The following OCLN variants were observed in gnomAD, a reference collection of about 807,000 sequenced individuals.
OCLN encodes the protein phosphatase 1, regulatory subunit 115.
In OCLN, 21 loss-of-function variants were observed where a neutral mutation model predicts 47.9. That is an observed-to-expected ratio of 0.44 (90% CI 0.31 to 0.63). The LOEUF is 0.63. Ranked by LOEUF, OCLN falls within the 30% of genes least tolerant of loss-of-function variation. The pLI is 0.08. For synonymous variants in OCLN, 117 were observed against 198.4 expected, an observed-to-expected ratio of 0.59 and a Z score of 3.45; for missense variants, 360 against 571.0, an observed-to-expected ratio of 0.63 and a Z score of 3.77.
chr5:69,504,411 A>T lies in OCLN; in HGVS notation c.50+117A>T, dbSNP rs562279332. ...AAATAAAACGATATGTGTACTTGTA[A>T]ATTTAAATTGTATCAAAGGGTCTGC... is the stretch of plus-strand genomic sequence containing the variant. On this transcript the variant is annotated intron_variant, in intron 2 of 8. Coordinates refer to ENST00000396442, the MANE Select transcript of OCLN (RefSeq NM_001205254.2). The T allele has an allele frequency of 2.5e-4, 180 of 730,574 alleles. No homozygotes were observed. In the African/African-American group the frequency reaches 3.0e-3, roughly 12 times the overall value. 45.3% of individuals were successfully genotyped at this position (730,574 alleles called of 1,614,324 possible). A position where few individuals can be genotyped will look rare whatever the true frequency, so the allele number is the denominator to read the frequency against.
intron 7 of OCLN, among the ~76,000 whole-genome samples, chr5:69,548,461 C>T (rs1193111897): frequency 2.7e-5 from 4 of 149,988 alleles, no homozygotes; most frequent in Non-Finnish European, 5.9e-5. Flanking sequence ...TTACAGGTGC[C>T]TGCCACCACG....
At position 69,547,510 on chromosome 5, in the gene OCLN, G is replaced by A. The variant is rs1769741152; in HGVS notation, c.1254-420G>A. ...CGCTTGAACCCGGGAGGTGGAGGTT[G>A]CAGTGAGCCGAGATTGTGCCACTGC... On this transcript the variant is annotated intron_variant, in intron 6 of 8. Transcript: ENST00000396442. Among the ~76,000 whole-genome samples, 5 of 126,726 alleles carry A rather than the reference G, an allele frequency of 3.9e-5. No individual in the cohort carries two copies. In the Admixed American group the frequency reaches 4.0e-4, roughly 10 times the overall value. The allele number at this position is 126,726 out of a possible 152,430, so 83.1% of individuals were successfully genotyped here. A position where few individuals can be genotyped will look rare whatever the true frequency, so the allele number is the denominator to read the frequency against.
chr5:69,499,875 G>C (rs1039906802), intron 1 of OCLN, among the ~76,000 whole-genome samples: 1 of 152,162 alleles, frequency 6.6e-6, no homozygotes, highest in African/African-American at 2.4e-5. Flanking sequence ...GTGAACCACT[G>C]CGCCCAGCTC....
At chr5:69,536,909 AG>A (rs1033246974) in intron 5 of OCLN, among the ~76,000 whole-genome samples, 6 of 151,124 alleles carry the variant, frequency 4.0e-5, no homozygotes, top group African/African-American at 1.5e-4. Flanking sequence ...TGGAGCTCCC[AG>A]TGAGCCGAGA....
intron 4 of OCLN, among the ~76,000 whole-genome samples, chr5:69,526,212 A>G (rs1004534411): frequency 1.3e-5 from 2 of 152,172 alleles, no homozygotes; most frequent in Non-Finnish European, 2.9e-5. Flanking sequence ...GGTCGGTAAT[A>G]TTAATGTAGC....
chr5:69,516,235 C>T (rs527693824), intron 4 of OCLN, among the ~76,000 whole-genome samples: 3 of 152,254 alleles, frequency 2.0e-5, no homozygotes, highest in South Asian at 2.1e-4. Context: ...CAGACTCCGT[C>T]TGCAATCCCG....
chr5:69,513,384 A>G (rs1192981453), intron 3 of OCLN, among the ~76,000 whole-genome samples: 4 of 152,220 alleles, frequency 2.6e-5, no homozygotes, highest in Non-Finnish European at 1.5e-5. Flanking sequence ...TCAATTTGCT[A>G]TTTATAGCTT....
At chr5:69,510,717 A>G (rs957207727) in intron 3 of OCLN, among the ~76,000 whole-genome samples, 3 of 152,166 alleles carry the variant, frequency 2.0e-5, no homozygotes, top group Non-Finnish European at 2.9e-5. Flanking sequence ...ACATTCTTGT[A>G]TACGTTTTTG....
chr5:69,515,168 T>A (rs1194256739), intron 4 of OCLN, among the ~76,000 whole-genome samples: 1 of 127,984 alleles, frequency 7.8e-6, no homozygotes, highest in African/African-American at 3.1e-5. Context: ...CCCCCCCACC[T>A]CCCTCCCGGA....
chr5:69,515,331 C>A (rs1317353274), intron 4 of OCLN, among the ~76,000 whole-genome samples: 10 of 138,080 alleles, frequency 7.2e-5, no homozygotes, highest in African/African-American at 2.1e-4. Context: ...GGCAGAGGGG[C>A]TCCTCACTTC....
intron 4 of OCLN, among the ~76,000 whole-genome samples, chr5:69,524,301 A>T (rs752228028): frequency 6.6e-6 from 1 of 152,214 alleles, no homozygotes; most frequent in Non-Finnish European, 1.5e-5. Flanking sequence ...AATAATTACA[A>T]TACATTACTA....
Position 69,555,365 on chromosome 5 carries a change from A to G in OCLN, c.*1694A>G. The G allele has an allele frequency of 6.8e-6, 1 of 146,078 alleles. No homozygotes were observed. The highest frequency in any genetic ancestry group is 2.2e-4 in the South Asian group (1 of 4,558). 9.0% of individuals were successfully genotyped at this position (146,078 alleles called of 1,614,324 possible). On this transcript the variant is annotated 3_prime_UTR_variant, in exon 9 of 9. Transcript: ENST00000396442. ...CACAACCTCCGCCTCCCAGGTTCAA[A>G]CAATTCTCCTGCCTCGGCCTCCCGA... is the stretch of plus-strand genomic sequence containing the variant.
intron 2 of OCLN, among the ~76,000 whole-genome samples, chr5:69,505,711 A>G (rs1250210150): frequency 6.6e-6 from 1 of 152,190 alleles, no homozygotes; most frequent in African/African-American, 2.4e-5. Flanking sequence ...TCAAACATTG[A>G]TAGGGATTTC....
At position 69,547,486 on chromosome 5, in the gene OCLN, G is replaced by A. The variant is rs1257933078; in HGVS notation, c.1254-444G>A. On this transcript the variant is annotated intron_variant, in intron 6 of 8. Transcript: ENST00000396442. ...CTGTGGAGACTGAGGCACGAAAATC[G>A]CTTGAACCCGGGAGGTGGAGGTTGC... 4.9e-5 allele frequency among the ~76,000 whole-genome samples: 6 copies of A among 122,926 alleles called. 1 individual carries two copies. Among genetic ancestry groups the A allele is most frequent in the Non-Finnish European group, 1.0e-4 (6 of 59,700 alleles). The allele number at this position is 122,926 out of a possible 152,430, so 80.6% of individuals were successfully genotyped here.
chr5:69,534,057 T>C (rs1046836754), intron 4 of OCLN, among the ~76,000 whole-genome samples: 2 of 149,278 alleles, frequency 1.3e-5, no homozygotes, highest in Admixed American at 6.8e-5. Context: ...GGCACTGATG[T>C]TGTGTGATAT....
rs1432035763 is a variant in OCLN, at chr5:69,545,044, C to T, written c.1178C>T (p.Thr393Ile). Residue 393 changes from threonine (T) to isoleucine (I), a missense_variant, in exon 6 of 9, where the codon ACA becomes ATA. Physicochemically the swap from Thr to Ile is moderately conservative, Grantham distance 89. Transcript: ENST00000396442. Reference protein sequence around the residue: ...AKGRAGRSKRTEQDHYETDYT... With the variant: ...AKGRAGRSKRIEQDHYETDYT... ...GGAAGAGCAGGAAGGTCAAAGAGAA[C>T]AGAGCAAGATCACTATGAGACAGAC... is the stretch of plus-strand genomic sequence containing the variant. 6.2e-7 allele frequency: 1 copy of T among 1,613,444 alleles called. No individual in the cohort carries two copies. Among genetic ancestry groups the T allele is most frequent in the African/African-American group, 1.3e-5 (1 of 74,782 alleles).
intron 1 of OCLN, among the ~76,000 whole-genome samples, chr5:69,494,054 T>A (rs1482611316): frequency 6.6e-6 from 1 of 152,230 alleles, no homozygotes; most frequent in African/African-American, 2.4e-5. Context: ...TTGGGATACC[T>A]GGAAAAGAGA....
chr5:69,521,077 TC>T (rs1251497125), intron 4 of OCLN, among the ~76,000 whole-genome samples: 2 of 152,150 alleles, frequency 1.3e-5, no homozygotes, highest in Non-Finnish European at 2.9e-5. Flanking sequence ...CCTCAGGCGA[TC>T]CACCCGCGTC....
At chr5:69,502,055 C>T (rs756387601) in intron 1 of OCLN, among the ~76,000 whole-genome samples, 1 of 151,946 alleles carries the variant, frequency 6.6e-6, no homozygotes, top group African/African-American at 2.4e-5. Flanking sequence ...AACAATTAGC[C>T]GGGCGTGGCA....
Sources: allele counts gnomAD v4.1 joint callset (sites outside exome capture counted in the v4.1 genomes callset), GRCh38; gene constraint gnomAD v4.1.1; transcripts MANE v1.5; gene names NCBI Gene and HGNC (gene_info 2026-07-23, HGNC 2026-07-21).